The following CHP1 variants were observed in gnomAD, a reference collection of about 807,000 sequenced individuals.
CHP1 encodes calcineurin like EF-hand protein 1.
A neutral mutation model predicts 27.4 loss-of-function variants in CHP1; 11 were observed. The ratio of observed to expected loss-of-function variants is 0.40; its 90% CI spans 0.25 to 0.67. The LOEUF (loss-of-function observed/expected upper bound fraction) is 0.67. CHP1 is among the 30% of genes least tolerant of loss of function. The probability of loss-of-function intolerance (pLI) is 0.38; values close to 1 mark genes in which losing one functional copy is unlikely to be tolerated. For synonymous variants in CHP1, 89 were observed against 87.4 expected, an observed-to-expected ratio of 1.02 and a Z score of -0.10; for missense variants, 169 against 251.3, an observed-to-expected ratio of 0.67 and a Z score of 2.22.
At chr15:41,233,827 A>G (rs755188287) in intron 1 of CHP1, among the ~76,000 whole-genome samples, 2 of 152,140 alleles carry the variant, frequency 1.3e-5, no homozygotes, top group Non-Finnish European at 2.9e-5. Flanking sequence ...AGATTAACCT[A>G]GGGCATTTTG....
In CHP1 at chr15:41,237,096, G is replaced by C. The variant is rs548581659; in HGVS notation, c.67+5647G>C. Among the ~76,000 whole-genome samples, 3 of 151,288 alleles carry C rather than the reference G, an allele frequency of 2.0e-5. No homozygotes were observed. In the South Asian group the frequency reaches 6.2e-4, roughly 31 times the overall value. On this transcript the variant is annotated intron_variant, in intron 1 of 6. Coordinates refer to ENST00000334660, the MANE Select transcript of CHP1 (RefSeq NM_007236.5). ...TCCACCCACTTCAGCCTCCCAAAGT[G>C]CTGGGATTACAGGCGTGAGCCACCG...
rs571289843 is a variant in CHP1 at position 41,281,860 on chromosome 15, T to C, written c.*2471T>C. 6.5e-6 allele frequency: 1 copy of C among 152,770 alleles called. No individual in the cohort carries two copies. The highest frequency in any genetic ancestry group is 2.4e-5 in the African/African-American group (1 of 41,586). The allele number at this position is 152,770 out of a possible 1,614,324, so 9.5% of individuals were successfully genotyped here. ...CCATTAAAATTGTATCTTCGATCCA[T>C]CAATAAATACTTGTGGTTGAAACAA... On this transcript the variant is annotated 3_prime_UTR_variant, in exon 7 of 7. Coordinates refer to ENST00000334660, the MANE Select transcript of CHP1 (RefSeq NM_007236.5).
intron 5 of CHP1, among the ~76,000 whole-genome samples, chr15:41,273,633 G>A (rs995768705): frequency 3.3e-5 from 5 of 151,304 alleles, no homozygotes; most frequent in South Asian, 2.1e-4. Flanking sequence ...CACCTGCCTC[G>A]GCCTCCCAAA....
chr15:41,275,084 G>A (rs888395911), intron 5 of CHP1, among the ~76,000 whole-genome samples: 5 of 151,824 alleles, frequency 3.3e-5, no homozygotes, highest in South Asian at 2.1e-4. Context: ...CACCACATCC[G>A]GTGCATTGTC....
chr15:41,274,608 G>A (rs949003483), intron 5 of CHP1, among the ~76,000 whole-genome samples: 14 of 151,736 alleles, frequency 9.2e-5, no homozygotes, highest in African/African-American at 2.9e-4. Flanking sequence ...CCGACCCTCC[G>A]ACTCACACTA....
Position 41,249,135 on chromosome 15 carries a change from A to G in CHP1, c.140+5396A>G, listed in dbSNP as rs538325563. ...CCATCAGAGTGCTCATCCGAATACA[A>G]GTGGCTTCCAATCTTTTGTTACCTG... On this transcript the variant is annotated intron_variant, in intron 2 of 6. Transcript: ENST00000334660. Among the ~76,000 whole-genome samples, 32 of 152,216 alleles carry G rather than the reference A, an allele frequency of 2.1e-4. 1 individual carries two copies. In the East Asian group the frequency reaches 5.8e-3, roughly 28 times the overall value.
At chr15:41,237,464 AT>A (rs1234136689) in intron 1 of CHP1, among the ~76,000 whole-genome samples, 1 of 152,090 alleles carries the variant, frequency 6.6e-6, no homozygotes, top group Non-Finnish European at 1.5e-5. Flanking sequence ...TTCACTTCCT[AT>A]TCAAATTTCT....
At chr15:41,250,770 AAGAT>A (rs1001732117) in intron 2 of CHP1, among the ~76,000 whole-genome samples, 4 of 151,454 alleles carry the variant, frequency 2.6e-5, no homozygotes, top group African/African-American at 9.7e-5. Flanking sequence ...ACTTCACAAT[AAGAT>A]ATATATAGAT....
intron 4 of CHP1, chr15:41,264,136 CT>C (rs747673874): frequency 2.1e-3 from 2,291 of 1,078,180 alleles, no homozygotes; most frequent in South Asian, 3.2e-3. Context: ...GTTAACAGGG[CT>C]TTTTTTTTTC....
At chr15:41,241,394 G>A (rs2047306336) in intron 1 of CHP1, among the ~76,000 whole-genome samples, 1 of 152,246 alleles carries the variant, frequency 6.6e-6, no homozygotes, top group Non-Finnish European at 1.5e-5. Flanking sequence ...TGCTTGCCAT[G>A]TGCCTGGCAC....
At chr15:41,244,049 T>G (rs772235352) in intron 2 of CHP1, among the ~76,000 whole-genome samples, 8 of 151,860 alleles carry the variant, frequency 5.3e-5, no homozygotes, top group Non-Finnish European at 1.2e-4. Flanking sequence ...AATACAAAAA[T>G]TAGCTCAGTG....
chr15:41,248,296 G>A (rs1036546021), intron 2 of CHP1, among the ~76,000 whole-genome samples: 7 of 152,098 alleles, frequency 4.6e-5, no homozygotes, highest in African/African-American at 1.7e-4. Flanking sequence ...CTACAGGCAT[G>A]CATCACTATG....
intron 1 of CHP1, among the ~76,000 whole-genome samples, chr15:41,241,308 G>A (rs1425927788): frequency 6.6e-6 from 1 of 152,260 alleles, no homozygotes; most frequent in Non-Finnish European, 1.5e-5. Context: ...GAAATGGAGA[G>A]TAATTAGTGC....
At chr15:41,241,239 A>T (rs150195511) in intron 1 of CHP1, among the ~76,000 whole-genome samples, 54 of 152,368 alleles carry the variant, frequency 3.5e-4, no homozygotes, top group African/African-American at 1.3e-3. Flanking sequence ...TGAGGCCAGA[A>T]CTGGGATAGA....
intron 2 of CHP1, among the ~76,000 whole-genome samples, chr15:41,249,830 AT>A (rs553713758): frequency 0.014 from 1,906 of 140,528 alleles, 21 homozygotes; most frequent in African/African-American, 0.032. Context: ...CACTTCAACA[AT>A]TTTTTTTTTT....
At chr15:41,279,243 C>A in intron 6 of CHP1, 93 bp from the exon 7 acceptor site, 3 of 1,027,214 alleles carry the variant, frequency 2.9e-6, no homozygotes, top group African/African-American at 1.6e-5. Flanking sequence ...TTTTACTGCA[C>A]AGGAGGAAGG....
intron 5 of CHP1, among the ~76,000 whole-genome samples, chr15:41,274,936 G>A (rs559204436): frequency 5.3e-5 from 8 of 151,398 alleles, no homozygotes; most frequent in African/African-American, 1.7e-4. Flanking sequence ...GATTATAGGC[G>A]CGCACTACCA....
chr15:41,256,310 G>A (rs943389476), intron 2 of CHP1, among the ~76,000 whole-genome samples: 1 of 152,218 alleles, frequency 6.6e-6, no homozygotes, highest in African/African-American at 2.4e-5. Flanking sequence ...ATGTGAGGAT[G>A]ACTGCTCTTG....
At chr15:41,278,950 C>A in intron 6 of CHP1, 61 bp downstream of exon 6, 1 of 1,600,378 alleles carries the variant, frequency 6.2e-7, no homozygotes, top group Non-Finnish European at 8.5e-7. Context: ...CGGTGGCTTA[C>A]GCCTGTAATC....
Sources: allele counts gnomAD v4.1 joint callset (sites outside exome capture counted in the v4.1 genomes callset), GRCh38; gene constraint gnomAD v4.1.1; transcripts MANE v1.5; gene names NCBI Gene and HGNC (gene_info 2026-07-23, HGNC 2026-07-21).